Variants in LIMCH1 observed in about 807,000 individuals in gnomAD.
The protein encoded by LIMCH1 is LIM and calponin homology domains 1.
LIMCH1 carries 113 observed loss-of-function variants against 176.5 expected under a neutral mutation model. That is an observed-to-expected ratio of 0.64 (90% CI 0.55 to 0.75). The LOEUF is 0.75. LIMCH1 is among the 30% of genes least tolerant of loss of function. The pLI is 0.00. For synonymous variants in LIMCH1, 619 were observed against 645.9 expected (o/e 0.96, Z 0.63); for missense variants, 1,674 against 1,814.9 (o/e 0.92, Z 1.41).
intron 1 of LIMCH1, among the ~76,000 whole-genome samples, chr4:41,375,794 C>T (rs970379831): frequency 5.9e-5 from 9 of 152,088 alleles, no homozygotes; most frequent in South Asian, 2.1e-4. Flanking sequence ...CTACCCAGGG[C>T]GAGTACGGGA....
At position 41,631,472 on chromosome 4, in the gene LIMCH1, C is replaced by T. The variant is rs1474048560; in HGVS notation, c.1596C>T (p.Asp532=). The part of the protein sequence containing the change: ...KGHQIFNRQN[D]CRTMNCGRGD... ...ACCAAATATTTAATCGACAAAATGA[C>T]TGCAGGTATTTTTTGCCATACGTGT... The change falls in exon 10 of 32, where the codon GAC becomes GAT. Residue 532 remains aspartate, a synonymous_variant. Coordinates refer to ENST00000503057, the MANE Select transcript of LIMCH1 (RefSeq NM_001330672.2). 6.6e-7 allele frequency: 1 copy of T among 1,508,218 alleles called. No homozygotes were observed. The highest frequency in any genetic ancestry group is 8.8e-7 in the Non-Finnish European group (1 of 1,134,140). The allele number at this position is 1,508,218 out of a possible 1,614,324, so 93.4% of individuals were successfully genotyped here.
At chr4:41,416,793 A>G (rs1276675672) in intron 1 of LIMCH1, among the ~76,000 whole-genome samples, 1 of 152,174 alleles carries the variant, frequency 6.6e-6, no homozygotes, top group East Asian at 1.9e-4. Flanking sequence ...TCTACTGTGA[A>G]TGAACTGGTC....
At chr4:41,552,953 A>C (rs2080700559) in intron 1 of LIMCH1, among the ~76,000 whole-genome samples, 1 of 152,164 alleles carries the variant, frequency 6.6e-6, no homozygotes, top group Admixed American at 6.6e-5. Context: ...TAAAAGTGCA[A>C]AGTGCTTATG....
intron 1 of LIMCH1, among the ~76,000 whole-genome samples, chr4:41,469,084 A>G (rs1430242907): frequency 4.6e-5 from 7 of 152,306 alleles, no homozygotes; most frequent in East Asian, 3.9e-4. Flanking sequence ...TAGGGCCAAG[A>G]GTCATCTGTG....
chr4:41,692,034 C>G (rs2153087063), intron 30 of LIMCH1, among the ~76,000 whole-genome samples: 1 of 152,304 alleles, frequency 6.6e-6, no homozygotes. Context: ...AACCTAGGAA[C>G]AAGCCAACAA....
chr4:41,475,780 A>G (rs968408768), intron 1 of LIMCH1, among the ~76,000 whole-genome samples: 4 of 152,206 alleles, frequency 2.6e-5, no homozygotes, highest in Non-Finnish European at 4.4e-5. Context: ...CTTAAAAACT[A>G]GATGACTGGT....
chr4:41,380,671 A>G (rs2055524109), intron 1 of LIMCH1, among the ~76,000 whole-genome samples: 1 of 152,180 alleles, frequency 6.6e-6, no homozygotes, highest in Non-Finnish European at 1.5e-5. Flanking sequence ...ATGTGCAGCC[A>G]GGGTGGAGAA....
intron 30 of LIMCH1, among the ~76,000 whole-genome samples, chr4:41,690,987 A>G (rs761944570): frequency 6.6e-6 from 1 of 152,180 alleles, no homozygotes; most frequent in Non-Finnish European, 1.5e-5. Flanking sequence ...CCAAGATAAT[A>G]TGCATTCTGA....
chr4:41,522,965 C>A (rs2076266559), intron 2 of LIMCH1, among the ~76,000 whole-genome samples: 1 of 152,142 alleles, frequency 6.6e-6, no homozygotes, highest in African/African-American at 2.4e-5. Context: ...AGCACTTGTG[C>A]ACTCTGAGTA....
chr4:41,361,033 C>G (rs1283254205), intron 1 of LIMCH1: 2 of 756,794 alleles, frequency 2.6e-6, no homozygotes, highest in South Asian at 4.1e-5. Flanking sequence ...CTCCCCCCAA[C>G]CGCCCCCACT....
chr4:41,592,486 T>TATG (rs1379027755), intron 1 of LIMCH1, among the ~76,000 whole-genome samples: 3 of 152,150 alleles, frequency 2.0e-5, no homozygotes, highest in African/African-American at 7.2e-5. Context: ...TGCCATCTCC[T>TATG]ATGTAACTGG....
At chr4:41,524,127 G>T (rs1341256433) in intron 2 of LIMCH1, among the ~76,000 whole-genome samples, 1 of 152,126 alleles carries the variant, frequency 6.6e-6, no homozygotes, top group Admixed American at 6.5e-5. Context: ...CCTCAATCCA[G>T]CTCTCCCCCT....
rs781128555 is a variant in LIMCH1, at chr4:41,613,543, C to T, written c.87C>T (p.Ser29=). The T allele has an allele frequency of 1.2e-4, 195 of 1,613,926 alleles. No individual in the cohort carries two copies. Among genetic ancestry groups the T allele is most frequent in the Non-Finnish European group, 1.6e-4 (190 of 1,179,972 alleles). Reference sequence around the variant, plus strand: ...TCGACTGCTGGGATTCCGAGCGCAGCGACTCCCTCTCTCCTCCTCGCCACG... The same window carrying T: ...TCGACTGCTGGGATTCCGAGCGCAGTGACTCCCTCTCTCCTCCTCGCCACG... ...GYIDCWDSER[S]DSLSPPRHGR... Residue 29 remains serine, a synonymous_variant, in exon 5 of 32, where the codon AGC becomes AGT. Transcript: ENST00000503057.
In LIMCH1 at chr4:41,522,698, C is replaced by T. The variant is rs1045731040; in HGVS notation, c.168-1711C>T. ...ACACCACCTGAGAGAATGCATTGAT[C>T]TAAGAAATTTGGGTTCTGGGCCTGA... On this transcript the variant is annotated intron_variant, in intron 2 of 26. Transcript: ENST00000313860. Among the ~76,000 whole-genome samples, 17 of 152,094 alleles carry T rather than the reference C, an allele frequency of 1.1e-4. 1 individual carries two copies. Among genetic ancestry groups the T allele is most frequent in the Non-Finnish European group, 8.8e-5 (6 of 68,028 alleles).
chr4:41,488,897 T>C (rs1316686608), intron 1 of LIMCH1, among the ~76,000 whole-genome samples: 1 of 152,168 alleles, frequency 6.6e-6, no homozygotes, highest in East Asian at 1.9e-4. Context: ...TTGTGTAGAA[T>C]TGCCTTATTT....
chr4:41,530,614 C>T (rs926514451), intron 3 of LIMCH1, among the ~76,000 whole-genome samples: 1 of 151,682 alleles, frequency 6.6e-6, no homozygotes, highest in African/African-American at 2.4e-5. Context: ...CGAGATTAGC[C>T]TGGCCAACAT....
intron 1 of LIMCH1, among the ~76,000 whole-genome samples, chr4:41,446,023 A>T (rs1047807354): frequency 6.6e-6 from 1 of 152,240 alleles, no homozygotes. Context: ...TCCCTAAAGG[A>T]TTACGGTCTG....
rs778908943 is a variant in LIMCH1, at chr4:41,466,459, AT to A, written c.97-28076del. ...GCAATCAGATTGAGAAGCACTGTTAATAGGTTTCCCTTCATTTCTTGATTAA... is the reference window on the plus strand; with the variant it reads ...GCAATCAGATTGAGAAGCACTGTTAAAGGTTTCCCTTCATTTCTTGATTAA... On this transcript the variant is annotated intron_variant, in intron 1 of 26. Coordinates refer to the LIMCH1 transcript ENST00000313860. Among the ~76,000 whole-genome samples the A allele has an allele frequency of 7.7e-4, 118 of 152,326 alleles. 1 individual carries two copies. The highest frequency in any genetic ancestry group is 1.5e-3 in the Non-Finnish European group (101 of 68,036).
chr4:41,503,003 A>G (rs60258116), intron 2 of LIMCH1, among the ~76,000 whole-genome samples: 9,950 of 75,744 alleles, frequency 0.13, 575 homozygotes, highest in African/African-American at 0.42. Context: ...CTGTCTGTCC[A>G]TCCATCCATC....
Sources: allele counts gnomAD v4.1 joint callset (sites outside exome capture counted in the v4.1 genomes callset), GRCh38; gene constraint gnomAD v4.1.1; transcripts MANE v1.5; gene names NCBI Gene and HGNC (gene_info 2026-07-23, HGNC 2026-07-21).